TRPC7: variants seen among roughly 807,000 people sequenced by gnomAD.
TRPC7 encodes the protein transient receptor potential cation channel subfamily C member 7.
In TRPC7, 42 loss-of-function variants were observed where a neutral mutation model predicts 90.1. The ratio of observed to expected loss-of-function variants is 0.47; its 90% CI spans 0.36 to 0.60. The LOEUF (loss-of-function observed/expected upper bound fraction) is 0.60. Ranked by LOEUF, TRPC7 falls within the 20% of genes least tolerant of loss-of-function variation. The pLI, the probability that TRPC7 is intolerant of heterozygous loss-of-function variation, is 0.00. For synonymous variants in TRPC7, 451 were observed against 436.3 expected, an observed-to-expected ratio of 1.03 and a Z score of -0.42; for missense variants, 955 against 1,112.3, an observed-to-expected ratio of 0.86 and a Z score of 2.01.
chr5:136,340,547 T>C (rs1759814223), intron 2 of TRPC7, among the ~76,000 whole-genome samples: 1 of 152,150 alleles, frequency 6.6e-6, no homozygotes, highest in Non-Finnish European at 1.5e-5. Context: ...AACATCACAT[T>C]ATATACCATA....
chr5:136,349,458 C>G (rs1445961484), intron 2 of TRPC7, among the ~76,000 whole-genome samples: 2 of 151,978 alleles, frequency 1.3e-5, no homozygotes, highest in Non-Finnish European at 2.9e-5. Context: ...ACAGAGAGAT[C>G]TTCATGGAGC....
At chr5:136,256,461 T>C (rs577846916) in intron 5 of TRPC7, among the ~76,000 whole-genome samples, 13 of 152,206 alleles carry the variant, frequency 8.5e-5, no homozygotes, top group South Asian at 2.1e-4. Flanking sequence ...AGTGGGTTAG[T>C]GGATGTCTTT....
chr5:136,284,440 T>C (rs750508277), intron 3 of TRPC7, among the ~76,000 whole-genome samples: 1 of 152,242 alleles, frequency 6.6e-6, no homozygotes, highest in Non-Finnish European at 1.5e-5. Context: ...TCATATTCTT[T>C]AGAAGTAAAA....
chr5:136,244,451 T>C (rs371297072), intron 7 of TRPC7, among the ~76,000 whole-genome samples: 1 of 152,356 alleles, frequency 6.6e-6, no homozygotes, highest in East Asian at 1.9e-4. Context: ...CTCTGGGCAG[T>C]AGGAACAGGA....
chr5:136,216,365 A>G, intron 10 of TRPC7, 90 bp from the exon 11 acceptor site: 1 of 1,026,852 alleles, frequency 9.7e-7, no homozygotes, highest in Non-Finnish European at 1.5e-6. Context: ...CCTCCCTTGA[A>G]GAGCCTCAGC....
At chr5:136,323,279 C>CT (rs892745264) in intron 2 of TRPC7, among the ~76,000 whole-genome samples, 23 of 152,088 alleles carry the variant, frequency 1.5e-4, no homozygotes, top group Non-Finnish European at 2.2e-4. Flanking sequence ...TATTAAACTT[C>CT]TTTTTTTTCA....
At chr5:136,228,204 G>T (rs768174536) in intron 8 of TRPC7, among the ~76,000 whole-genome samples, 1 of 152,036 alleles carries the variant, frequency 6.6e-6, no homozygotes, top group African/African-American at 2.4e-5. Flanking sequence ...TGAGGCCACT[G>T]ACCCAGTCTG....
intron 10 of TRPC7, among the ~76,000 whole-genome samples, chr5:136,218,083 AAT>A (rs1012702901): frequency 2.1e-5 from 3 of 144,106 alleles, no homozygotes; most frequent in Non-Finnish European, 3.0e-5. Flanking sequence ...TAAGATATAT[AAT>A]ATATGAGATA....
intron 3 of TRPC7, chr5:136,314,195 T>C (rs957966730): frequency 6.6e-6 from 1 of 152,204 alleles, no homozygotes; most frequent in Non-Finnish European, 1.5e-5. Flanking sequence ...GAGGATAATC[T>C]GGCTTCAGGA....
At chr5:136,243,688 CAAAG>C (rs1233467147) in intron 7 of TRPC7, among the ~76,000 whole-genome samples, 1 of 150,058 alleles carries the variant, frequency 6.7e-6, no homozygotes, top group Non-Finnish European at 1.5e-5. Flanking sequence ...TTTTAATTAA[CAAAG>C]AAGATCTCTT....
chr5:136,321,902 C>T (rs573249811), intron 2 of TRPC7, among the ~76,000 whole-genome samples: 2 of 152,266 alleles, frequency 1.3e-5, no homozygotes, highest in Admixed American at 6.5e-5. Context: ...ATTTCACATC[C>T]ACTATATGGA....
At chr5:136,268,609 C>A (rs1757112189) in intron 4 of TRPC7, among the ~76,000 whole-genome samples, 1 of 152,160 alleles carries the variant, frequency 6.6e-6, no homozygotes, top group Non-Finnish European at 1.5e-5. Flanking sequence ...CCCCAGAAGA[C>A]CTGGTTTAAG....
intron 3 of TRPC7, among the ~76,000 whole-genome samples, chr5:136,304,495 C>G (rs1758535029): frequency 6.6e-6 from 1 of 152,158 alleles, no homozygotes; most frequent in Admixed American, 6.5e-5. Context: ...CCCGTGGTGC[C>G]AAACCCATAT....
intron 7 of TRPC7, among the ~76,000 whole-genome samples, chr5:136,233,182 T>G (rs562879708): frequency 2.0e-5 from 3 of 152,220 alleles, no homozygotes; most frequent in Non-Finnish European, 4.4e-5. Flanking sequence ...TGAAGTGGGA[T>G]TCTATTGTCA....
At chr5:136,261,797 G>T (rs1756865460) in intron 5 of TRPC7, among the ~76,000 whole-genome samples, 1 of 152,174 alleles carries the variant, frequency 6.6e-6, no homozygotes, top group Non-Finnish European at 1.5e-5. Flanking sequence ...CCAAATTTAT[G>T]TTTTCAGCCT....
At position 136,274,703 on chromosome 5, in the gene TRPC7, G is replaced by A. The variant is rs1304839400; in HGVS notation, c.1098C>T (p.Ala366=). The part of the protein sequence containing the change: ...FGVSIGLPFL[A]IAYWIAPCSK... Reference sequence around the variant, plus strand: ...TGCACGGAGCAATCCAATAGGCTATGGCGAGAAAAGGGAGGCCTATGGAGA... The same window carrying A: ...TGCACGGAGCAATCCAATAGGCTATAGCGAGAAAAGGGAGGCCTATGGAGA... Residue 366 remains alanine, a synonymous_variant, in exon 4 of 12, where the codon GCC becomes GCT. Transcript: ENST00000513104. The A allele has an allele frequency of 6.2e-7, 1 of 1,613,664 alleles. No homozygotes were observed. Among genetic ancestry groups the A allele is most frequent in the South Asian group, 1.1e-5 (1 of 90,972 alleles).
intron 5 of TRPC7, among the ~76,000 whole-genome samples, chr5:136,261,315 T>C (rs1390109743): frequency 6.6e-6 from 1 of 152,212 alleles, no homozygotes; most frequent in Admixed American, 6.5e-5. Context: ...GCCTAATAAC[T>C]AGAAAATATT....
In TRPC7 at chr5:136,325,920, C is replaced by T. The variant is rs192930577; in HGVS notation, c.781-10141G>A. Among the ~76,000 whole-genome samples the T allele has an allele frequency of 1.3e-3, 191 of 152,340 alleles. 1 individual carries two copies. Among genetic ancestry groups the T allele is most frequent in the South Asian group, 2.3e-3 (11 of 4,822 alleles). The stretch of plus-strand genomic sequence containing the variant: ...GATCAAAGGCTACTCTCCCTACAAC[C>T]CTCTCCCTTCCACCAGTGTCAGATG... On this transcript the variant is annotated intron_variant, in intron 2 of 11. Coordinates refer to ENST00000513104, the MANE Select transcript of TRPC7 (RefSeq NM_020389.3).
chr5:136,258,487 C>T (rs1015671867), intron 5 of TRPC7, among the ~76,000 whole-genome samples: 1 of 152,144 alleles, frequency 6.6e-6, no homozygotes, highest in Admixed American at 6.5e-5. Flanking sequence ...CCACCCTGCT[C>T]CCTACACTTG....
Sources: gnomAD v4.1 joint callset for allele counts (sites outside exome capture counted in the v4.1 genomes callset) on GRCh38, gnomAD v4.1.1 for gene constraint, MANE v1.5 for transcripts, NCBI Gene and HGNC (gene_info 2026-07-23, HGNC 2026-07-21) for gene names.